PPM1H: variants seen among roughly 807,000 people sequenced by gnomAD.
PPM1H encodes protein phosphatase, Mg2+/Mn2+ dependent 1H.
PPM1H carries 27 observed loss-of-function variants against 54.9 expected under a neutral mutation model. The observed-to-expected ratio is 0.49, with a 90% CI of 0.36 to 0.68. PPM1H has a LOEUF of 0.68. PPM1H is among the 30% of genes least tolerant of loss of function. PPM1H has a pLI of 0.00. For synonymous variants in PPM1H, 305 were observed against 270.8 expected (o/e 1.13, Z -1.24); for missense variants, 596 against 667.8 (o/e 0.89, Z 1.19).
Position 62,759,956 on chromosome 12 carries a change from T to C in PPM1H, c.870-22370A>G, listed in dbSNP as rs972865723. On this transcript the variant is annotated intron_variant, in intron 4 of 9. Coordinates refer to ENST00000228705, the MANE Select transcript of PPM1H (RefSeq NM_020700.2). ...CCCCCATCCCTTCTCTCCATGTCTC[T>C]ACCCTTCTCTTTAAACTTGCCTCCT... is the stretch of plus-strand genomic sequence containing the variant. Among the ~76,000 whole-genome samples the C allele has an allele frequency of 6.6e-5, 10 of 152,118 alleles. No homozygotes were observed. The East Asian group carries it at 1.9e-3, about 29-fold the overall frequency.
At chr12:62,845,206 C>A (rs1466833973) in intron 1 of PPM1H, among the ~76,000 whole-genome samples, 1 of 152,194 alleles carries the variant, frequency 6.6e-6, no homozygotes, top group Non-Finnish European at 1.5e-5. Context: ...CTGACACTAT[C>A]GGTTTGAAGC....
At chr12:62,868,831 C>T (rs1255949768) in intron 1 of PPM1H, among the ~76,000 whole-genome samples, 1 of 152,210 alleles carries the variant, frequency 6.6e-6, no homozygotes, top group Non-Finnish European at 1.5e-5. Flanking sequence ...ATCTAACACC[C>T]TCAATCTCCA....
intron 8 of PPM1H, among the ~76,000 whole-genome samples, chr12:62,684,374 C>T (rs1167778926): frequency 6.6e-6 from 1 of 152,208 alleles, no homozygotes; most frequent in Admixed American, 6.5e-5. Context: ...GTTTGGCAAA[C>T]TCGAGATTTT....
At chr12:62,739,725 G>T (rs1484188915) in intron 4 of PPM1H, among the ~76,000 whole-genome samples, 1 of 152,156 alleles carries the variant, frequency 6.6e-6, no homozygotes, top group African/African-American at 2.4e-5. Flanking sequence ...CAAAGCAGGG[G>T]CCCAGTGAAT....
At chr12:62,707,263 T>G (rs1405420578) in intron 6 of PPM1H, among the ~76,000 whole-genome samples, 1 of 152,202 alleles carries the variant, frequency 6.6e-6, no homozygotes, top group Non-Finnish European at 1.5e-5. Flanking sequence ...GAGGCCTAAT[T>G]TGACCCTGAC....
At chr12:62,829,092 T>C (rs1868323216) in intron 2 of PPM1H, among the ~76,000 whole-genome samples, 1 of 152,096 alleles carries the variant, frequency 6.6e-6, no homozygotes, top group African/African-American at 2.4e-5. Flanking sequence ...CAAATCCTCC[T>C]CTAGATATAT....
intron 4 of PPM1H, chr12:62,755,676 C>T: frequency 1.5e-6 from 1 of 665,556 alleles, no homozygotes; most frequent in Non-Finnish European, 2.7e-6. Flanking sequence ...AGCATGCCTC[C>T]TGTATCACCA....
chr12:62,914,406 A>T (rs1478293948), intron 1 of PPM1H, among the ~76,000 whole-genome samples: 1 of 152,238 alleles, frequency 6.6e-6, no homozygotes, highest in Non-Finnish European at 1.5e-5. Flanking sequence ...CTTTACAGCA[A>T]CACAAACTAA....
chr12:62,906,408 A>T (rs1430093949), intron 1 of PPM1H, among the ~76,000 whole-genome samples: 2 of 152,226 alleles, frequency 1.3e-5, no homozygotes, highest in African/African-American at 4.8e-5. Context: ...GGCTCAAAAG[A>T]ATCAACATTG....
At chr12:62,759,674 T>A (rs746538949) in intron 4 of PPM1H, among the ~76,000 whole-genome samples, 3 of 152,142 alleles carry the variant, frequency 2.0e-5, no homozygotes, top group Admixed American at 6.5e-5. Flanking sequence ...ACCGCTTTTC[T>A]GGGGGGCAAG....
chr12:62,670,047 A>G (rs530453971), intron 8 of PPM1H, among the ~76,000 whole-genome samples: 10 of 124,696 alleles, frequency 8.0e-5, no homozygotes, highest in Admixed American at 4.5e-4. Context: ...GCATGATCTC[A>G]GCTCACTGCA....
chr12:62,774,464 C>T (rs184426059), intron 4 of PPM1H, among the ~76,000 whole-genome samples: 372 of 152,284 alleles, frequency 2.4e-3, no homozygotes, highest in Non-Finnish European at 4.1e-3. Flanking sequence ...ACCTCAGCCC[C>T]CTCAGTAGCT....
intron 1 of PPM1H, among the ~76,000 whole-genome samples, chr12:62,865,180 G>A (rs776935847): frequency 6.6e-6 from 1 of 152,104 alleles, no homozygotes; most frequent in Non-Finnish European, 1.5e-5. Flanking sequence ...CTCCTAAGAA[G>A]GTGTCCTTTC....
intron 9 of PPM1H, among the ~76,000 whole-genome samples, chr12:62,649,330 G>A (rs2075803894): frequency 6.6e-6 from 1 of 151,830 alleles, no homozygotes; most frequent in Admixed American, 6.6e-5. Flanking sequence ...GATCCCTTAA[G>A]AATTTGAAAA....
chr12:62,735,507 C>T (rs949162444), intron 5 of PPM1H, among the ~76,000 whole-genome samples: 6 of 152,160 alleles, frequency 3.9e-5, no homozygotes, highest in Non-Finnish European at 7.3e-5. Context: ...CATGAGCCAC[C>T]GTGCCCAGCC....
intron 4 of PPM1H, among the ~76,000 whole-genome samples, chr12:62,779,370 C>T (rs1425086657): frequency 1.3e-5 from 2 of 152,196 alleles, no homozygotes; most frequent in African/African-American, 4.8e-5. Context: ...TTCATGGACA[C>T]CTTGAAAAAC....
At position 62,862,362 on chromosome 12, in the gene PPM1H, G is replaced by C. The variant is rs112348639; in HGVS notation, c.246-30083C>G. On this transcript the variant is annotated intron_variant, in intron 1 of 9. Transcript: ENST00000228705. ...TTTGCATGAAAAAACAGATATAAGG[G>C]CTTTTCACTACATATAAGGCTGTGA... Among the ~76,000 whole-genome samples, 13 of 152,304 alleles carry C rather than the reference G, an allele frequency of 8.5e-5. 1 individual carries two copies. The highest frequency in any genetic ancestry group is 3.1e-4 in the African/African-American group (13 of 41,564).
At chr12:62,733,383 T>C (rs1227056059) in intron 5 of PPM1H, among the ~76,000 whole-genome samples, 1 of 152,152 alleles carries the variant, frequency 6.6e-6, no homozygotes, top group Non-Finnish European at 1.5e-5. Flanking sequence ...GCCTCTTGAG[T>C]AGCAGGGATT....
At chr12:62,885,226 T>C (rs186372378) in intron 1 of PPM1H, among the ~76,000 whole-genome samples, 184 of 152,238 alleles carry the variant, frequency 1.2e-3, no homozygotes, top group African/African-American at 4.2e-3. Flanking sequence ...TTCTAGGAGA[T>C]ACGATTCAAG....
Sources: gnomAD v4.1 joint callset for allele counts (sites outside exome capture counted in the v4.1 genomes callset) on GRCh38, gnomAD v4.1.1 for gene constraint, MANE v1.5 for transcripts, NCBI Gene and HGNC (gene_info 2026-07-23, HGNC 2026-07-21) for gene names.